The following SETD9 variants were observed in gnomAD, a reference collection of about 807,000 sequenced individuals.
SETD9 encodes SET domain-containing protein 9.
In SETD9, 37 loss-of-function variants were observed where a neutral mutation model predicts 36.4. The ratio of observed to expected loss-of-function variants is 1.02; its 90% CI spans 0.78 to 1.34. The LOEUF is 1.34. Ranked by LOEUF, SETD9 falls within the 40% of genes most tolerant of loss-of-function variation. The probability of loss-of-function intolerance (pLI) is 0.00; values close to 1 mark genes in which losing one functional copy is unlikely to be tolerated. For missense variants in SETD9, 323 were observed against 353.2 expected, an observed-to-expected ratio of 0.91 and a Z score of 0.69; for synonymous variants, 128 against 132.9, an observed-to-expected ratio of 0.96 and a Z score of 0.26.
intron 2 of SETD9, chr5:56,912,101 G>A: frequency 1.2e-6 from 1 of 806,074 alleles, no homozygotes; most frequent in Non-Finnish European, 1.5e-6. Context: ...GTTGCAGTGA[G>A]CCGAGATTGT....
chr5:56,918,777 A>AAAC (rs1438948310), downstream of SETD9, among the ~76,000 whole-genome samples: 1 of 152,202 alleles, frequency 6.6e-6, no homozygotes, highest in African/African-American at 2.4e-5. Context: ...GGCCTTGTAC[A>AAAC]AACTTTGGAT....
intron 4 of SETD9, 78 bp from the exon 5 acceptor site, chr5:56,914,783 T>A: frequency 2.1e-6 from 2 of 931,194 alleles, no homozygotes; most frequent in Non-Finnish European, 3.1e-6. Context: ...AAACAGACAT[T>A]GAGTGTCATA....
intron 1 of SETD9, chr5:56,910,629 A>C: frequency 3.5e-6 from 1 of 282,674 alleles, no homozygotes; most frequent in Non-Finnish European, 7.0e-6. Flanking sequence ...GTACAAAAAG[A>C]TAATGATTAT....
upstream of SETD9, chr5:56,909,552 C>T (rs142065983): frequency 6.6e-4 from 623 of 944,124 alleles, no homozygotes; most frequent in Non-Finnish European, 8.9e-4. Context: ...GGAAGGCGGC[C>T]GAGCGCGGCC....
chr5:56,913,507 C>T (rs1749263372), intron 3 of SETD9, among the ~76,000 whole-genome samples: 1 of 151,964 alleles, frequency 6.6e-6, no homozygotes. Context: ...CCTCAGCCTC[C>T]CAAGTAGCTG....
chr5:56,928,694 TAA>T, downstream of SETD9: 1 of 1,065,666 alleles, frequency 9.4e-7, no homozygotes, highest in Non-Finnish European at 1.4e-6. Flanking sequence ...TTTTCCTACT[TAA>T]GTGACTTATA....
chr5:56,913,618 A>G (rs1749270045), intron 3 of SETD9, among the ~76,000 whole-genome samples: 1 of 152,030 alleles, frequency 6.6e-6, no homozygotes, highest in Non-Finnish European at 1.5e-5. Flanking sequence ...TCTAGACCTC[A>G]AGTGATCTGC....
chr5:56,924,635 A>G (rs76294617), intron 5 of SETD9, among the ~76,000 whole-genome samples: 3,031 of 152,282 alleles, frequency 0.02, 111 homozygotes, highest in African/African-American at 0.068. Context: ...TCCCTCCAGT[A>G]TGTTTGGTTT....
At chr5:56,912,068 T>G (rs1561218296) in intron 2 of SETD9, 1 of 376,194 alleles carries the variant, frequency 2.7e-6, no homozygotes, top group Non-Finnish European at 3.7e-6. Flanking sequence ...GGCAGGAGAA[T>G]GGCGTGAACC....
downstream of SETD9, among the ~76,000 whole-genome samples, chr5:56,927,221 C>T (rs1480897284): frequency 2.0e-5 from 3 of 151,974 alleles, no homozygotes; most frequent in Admixed American, 6.6e-5. Flanking sequence ...ACATGAAGAG[C>T]GAACCTTAAT....
downstream of SETD9, chr5:56,921,789 T>C (rs1749686854): frequency 6.6e-6 from 1 of 152,626 alleles, no homozygotes; most frequent in Non-Finnish European, 1.5e-5. Context: ...ACAACATAAT[T>C]CTCTATTTTA....
chr5:56,921,375 C>T (rs1749664724), downstream of SETD9: 1 of 152,290 alleles, frequency 6.6e-6, no homozygotes, highest in African/African-American at 2.4e-5. Context: ...TAACACAGAG[C>T]CCAGGCTACC....
At chr5:56,911,629 T>C in intron 2 of SETD9, 93 bp downstream of exon 2, 2 of 1,311,134 alleles carry the variant, frequency 1.5e-6, no homozygotes, top group Non-Finnish European at 2.0e-6. Context: ...ATCCTTAGAG[T>C]AAGGGATTAA....
intron 4 of SETD9, among the ~76,000 whole-genome samples, chr5:56,914,544 A>G (rs1199502197): frequency 6.6e-6 from 1 of 152,188 alleles, no homozygotes; most frequent in East Asian, 1.9e-4. Flanking sequence ...AATAAAACAT[A>G]CATATATGTT....
chr5:56,913,676 G>A (rs375118212), intron 3 of SETD9, among the ~76,000 whole-genome samples, 198 bp from the exon 4 acceptor site: 3 of 151,826 alleles, frequency 2.0e-5, no homozygotes, highest in Non-Finnish European at 1.5e-5. Flanking sequence ...GAGCCACTGC[G>A]CCTGGCCAGC....
At chr5:56,928,663 G>GAACAT, downstream of SETD9, 1 of 669,402 alleles carries the variant, frequency 1.5e-6, no homozygotes, top group Non-Finnish European at 2.5e-6. Context: ...TGCTATAAGG[G>GAACAT]AACATTAGTA....
intron 2 of SETD9, among the ~76,000 whole-genome samples, chr5:56,911,849 A>C (rs1749147328): frequency 1.3e-5 from 2 of 152,244 alleles, no homozygotes; most frequent in Admixed American, 1.3e-4. Context: ...GAAACATGTC[A>C]GTTTGGTTTA....
At chr5:56,928,574 G>A (rs1750116159), downstream of SETD9, 1 of 438,332 alleles carries the variant, frequency 2.3e-6, no homozygotes, top group Admixed American at 4.1e-5. Context: ...GAAAAGATAT[G>A]TGAATATACT....
upstream of SETD9, chr5:56,909,388 C>T (rs1418350477): frequency 5.2e-6 from 2 of 383,544 alleles, no homozygotes; most frequent in Non-Finnish European, 9.3e-6. Context: ...CACGGAAGCA[C>T]CCGAGCGACC....
Sources: allele counts gnomAD v4.1 joint callset (sites outside exome capture counted in the v4.1 genomes callset), GRCh38; gene constraint gnomAD v4.1.1; transcripts MANE v1.5; gene names NCBI Gene and HGNC (gene_info 2026-07-23, HGNC 2026-07-21).